Variants in FAR2 observed in about 807,000 individuals in gnomAD.
FAR2 encodes fatty acyl-CoA reductase 2.
Under a neutral mutation model 56.0 loss-of-function variants are expected in FAR2, and 19 were observed. That is an observed-to-expected ratio of 0.34 (90% CI 0.24 to 0.50). The LOEUF (loss-of-function observed/expected upper bound fraction) is 0.50. Ranked by LOEUF, FAR2 falls within the 20% of genes least tolerant of loss-of-function variation. The pLI is 0.98. For missense variants in FAR2, 508 were observed against 642.2 expected (o/e 0.79, Z 2.26); for synonymous variants, 219 against 218.8 (o/e 1.00, Z -0.01).
intron 1 of FAR2, among the ~76,000 whole-genome samples, chr12:29,267,259 A>G (rs1948532772): frequency 1.3e-5 from 2 of 152,208 alleles, no homozygotes; most frequent in African/African-American, 4.8e-5. Flanking sequence ...GCTAGAAACC[A>G]TTAAGAAGAA....
At chr12:29,239,149 G>GT (rs926209121) in intron 1 of FAR2, among the ~76,000 whole-genome samples, 5 of 151,934 alleles carry the variant, frequency 3.3e-5, no homozygotes, top group Admixed American at 6.6e-5. Flanking sequence ...CAGCTTTGCT[G>GT]TATTGTTGTT....
chr12:29,157,806 TC>T (rs1949743365), intron 1 of FAR2, among the ~76,000 whole-genome samples: 1 of 152,152 alleles, frequency 6.6e-6, no homozygotes, highest in Non-Finnish European at 1.5e-5. Context: ...ATGTGTCTGG[TC>T]CCAACATATT....
chr12:29,243,392 G>T (rs1948070086), intron 1 of FAR2, among the ~76,000 whole-genome samples: 1 of 151,992 alleles, frequency 6.6e-6, no homozygotes, highest in Admixed American at 6.6e-5. Context: ...TGGTTTCCTG[G>T]GCAAGTTGCT....
intron 1 of FAR2, among the ~76,000 whole-genome samples, chr12:29,158,459 C>T (rs541102429): frequency 6.6e-6 from 1 of 152,356 alleles, no homozygotes; most frequent in South Asian, 2.1e-4. Context: ...GCTTCTTTCT[C>T]AGCAACTTGT....
At position 29,171,640 on chromosome 12, in the gene FAR2, G is replaced by C. The variant is rs548854236; in HGVS notation, c.-39+22233G>C. 124 of 151,832 alleles carry C rather than the reference G, an allele frequency of 8.2e-4. 1 individual carries two copies. The highest frequency in any genetic ancestry group is 2.9e-3 in the African/African-American group (117 of 41,044). 9.4% of individuals were successfully genotyped at this position (151,832 alleles called of 1,614,324 possible). A position where few individuals can be genotyped will look rare whatever the true frequency, so the allele number is the denominator to read the frequency against. On this transcript the variant is annotated intron_variant, in intron 1 of 11. Transcript: ENST00000536681. ...CGCCTGTGAAGTGAGGAGCACCTCT[G>C]CCTGGCCGCCAACCATGTGGGAAGT...
chr12:29,312,514 T>C (rs78842522), intron 8 of FAR2, among the ~76,000 whole-genome samples: 90 of 152,314 alleles, frequency 5.9e-4, no homozygotes, highest in East Asian at 1.2e-3. Flanking sequence ...CCCAGATTCC[T>C]TGAACCCTGG....
intron 1 of FAR2, among the ~76,000 whole-genome samples, chr12:29,250,990 G>A (rs182397320): frequency 6.6e-5 from 10 of 152,306 alleles, no homozygotes; most frequent in Admixed American, 2.6e-4. Context: ...TTTCAAAGAG[G>A]AGGTGGGCAT....
chr12:29,325,137 T>A (rs576238124), intron 10 of FAR2, among the ~76,000 whole-genome samples: 9 of 151,848 alleles, frequency 5.9e-5, no homozygotes, highest in Admixed American at 5.9e-4. Flanking sequence ...CCAACAAAGA[T>A]CAAAAGAGAC....
intron 1 of FAR2, among the ~76,000 whole-genome samples, chr12:29,211,006 AGTGT>A (rs556386106): frequency 6.6e-6 from 1 of 151,732 alleles, no homozygotes; most frequent in South Asian, 2.1e-4. Context: ...TCATGCCTAT[AGTGT>A]GTGTGTGTAT....
chr12:29,244,401 A>T (rs746404376), intron 1 of FAR2, among the ~76,000 whole-genome samples: 6 of 152,192 alleles, frequency 3.9e-5, no homozygotes, highest in Non-Finnish European at 7.3e-5. Flanking sequence ...TCTTCCAGTG[A>T]TTTAACAGAA....
At chr12:29,245,394 G>A (rs758005095) in intron 1 of FAR2, among the ~76,000 whole-genome samples, 1 of 152,208 alleles carries the variant, frequency 6.6e-6, no homozygotes, top group Non-Finnish European at 1.5e-5. Flanking sequence ...GTAAGTGGTA[G>A]AGCTAAAATT....
intron 1 of FAR2, among the ~76,000 whole-genome samples, chr12:29,249,995 G>A (rs1375265761): frequency 1.3e-5 from 2 of 152,264 alleles, no homozygotes; most frequent in Middle Eastern, 3.4e-3. Context: ...GTGATCTTTA[G>A]AAAGTTTTCC....
chr12:29,149,666 G>A (rs1331984295), intron 1 of FAR2, among the ~76,000 whole-genome samples: 1 of 152,194 alleles, frequency 6.6e-6, no homozygotes, highest in East Asian at 1.9e-4. Flanking sequence ...GGCGGAGCCC[G>A]CCAAGGTGGG....
At chr12:29,179,510 C>T (rs1022848620) in intron 1 of FAR2, among the ~76,000 whole-genome samples, 5 of 152,186 alleles carry the variant, frequency 3.3e-5, no homozygotes, top group Non-Finnish European at 5.9e-5. Context: ...GAAGACAGAA[C>T]TGAAATGCAA....
At chr12:29,173,135 C>T (rs1255351757) in intron 1 of FAR2, among the ~76,000 whole-genome samples, 2 of 152,194 alleles carry the variant, frequency 1.3e-5, no homozygotes, top group African/African-American at 2.4e-5. Flanking sequence ...CATCTGTGTA[C>T]CTATCAGGAT....
At chr12:29,295,136 G>C (rs1949038314) in intron 3 of FAR2, among the ~76,000 whole-genome samples, 1 of 152,052 alleles carries the variant, frequency 6.6e-6, no homozygotes, top group African/African-American at 2.4e-5. Flanking sequence ...GCATTGGCGT[G>C]ATCTTGGCTC....
chr12:29,317,423 T>G (rs758982951), intron 9 of FAR2, among the ~76,000 whole-genome samples: 1 of 152,204 alleles, frequency 6.6e-6, no homozygotes, highest in South Asian at 2.1e-4. Flanking sequence ...TATGCAAATA[T>G]TCCAAAATCT....
chr12:29,308,793 A>T (rs1949299933), intron 5 of FAR2, among the ~76,000 whole-genome samples: 1 of 151,576 alleles, frequency 6.6e-6, no homozygotes, highest in African/African-American at 2.4e-5. Flanking sequence ...TGGGCCATTA[A>T]CACAAATCAT....
Position 29,179,991 on chromosome 12 carries a change from G to T in FAR2, c.-39+30584G>T, listed in dbSNP as rs575277830. On this transcript the variant is annotated intron_variant, in intron 1 of 11. Transcript: ENST00000536681. ...AGGAGTATGGATATTACAGACTTGG[G>T]TGTTTATCTCATATTTGCAATGGAA... Among the ~76,000 whole-genome samples the T allele has an allele frequency of 8.5e-5, 13 of 152,276 alleles. No homozygotes were observed. The South Asian group carries it at 2.7e-3, about 32-fold the overall frequency.
Sources: allele counts gnomAD v4.1 joint callset (sites outside exome capture counted in the v4.1 genomes callset), GRCh38; gene constraint gnomAD v4.1.1; transcripts MANE v1.5; gene names NCBI Gene and HGNC (gene_info 2026-07-23, HGNC 2026-07-21).